The following STS variants were observed in gnomAD, a reference collection of about 807,000 sequenced individuals.
The protein encoded by STS is steryl-sulfatase.
In STS, 7 loss-of-function variants were observed where a neutral mutation model predicts 26.8. The ratio of observed to expected loss-of-function variants is 0.26; its 90% CI spans 0.15 to 0.49. The LOEUF (loss-of-function observed/expected upper bound fraction) is 0.49, where lower values mean the gene tolerates loss of function less well. Among genes scored for constraint, STS ranks in the 20% least tolerant of loss-of-function variants. The pLI, the probability that STS is intolerant of heterozygous loss-of-function variation, is 0.98. For synonymous variants in STS, 199 were observed against 189.4 expected, an observed-to-expected ratio of 1.05 and a Z score of -0.42; for missense variants, 434 against 465.6, an observed-to-expected ratio of 0.93 and a Z score of 0.63.
chrX:7,236,270 A>G (rs1227221677), intron 2 of STS, among the ~76,000 whole-genome samples: 1 of 111,892 alleles, frequency 8.9e-6, no homozygotes, highest in African/African-American at 3.3e-5. Flanking sequence ...GCATAGGTCA[A>G]ACTAACTTTG....
In STS at chrX:7,186,260, CAT is replaced by C. The variant is rs774570978; in HGVS notation, c.-133-4619_-133-4618del. Among the ~76,000 whole-genome samples, 482 of 112,302 alleles carry C rather than the reference CAT, an allele frequency of 4.3e-3. 2 individuals carry two copies. Among genetic ancestry groups the C allele is most frequent in the Non-Finnish European group, 6.6e-3 (352 of 53,223 alleles). On this transcript the variant is annotated intron_variant, in intron 1 of 10. Coordinates refer to ENST00000674429, the MANE Select transcript of STS (RefSeq NM_001320752.2). ...TTAAACATTCCATAACACATGTTAA[CAT>C]GTGTTGTAACATTTAACATCCATAT... is the stretch of plus-strand genomic sequence containing the variant.
intron 7 of STS, among the ~76,000 whole-genome samples, chrX:7,290,738 C>T (rs755286637): frequency 1.6e-4 from 18 of 112,153 alleles, no homozygotes; most frequent in Non-Finnish European, 2.1e-4. Context: ...CAACCTCTGG[C>T]GGTTAAATGT....
chrX:7,343,766 C>T (rs1210362721), intron 10 of STS, among the ~76,000 whole-genome samples: 1 of 112,074 alleles, frequency 8.9e-6, no homozygotes, highest in Non-Finnish European at 1.9e-5. Context: ...GCACCCCCCG[C>T]CCCTCCCGGG....
At chrX:7,293,358 A>C (rs1474387535) in intron 7 of STS, among the ~76,000 whole-genome samples, 1 of 112,045 alleles carries the variant, frequency 8.9e-6, no homozygotes, top group Non-Finnish European at 1.9e-5. Context: ...AACACTAGGG[A>C]CATAAAGATG....
At chrX:7,172,998 A>G (rs1176217802) in intron 1 of STS, among the ~76,000 whole-genome samples, 1 of 107,866 alleles carries the variant, frequency 9.3e-6, no homozygotes, top group Non-Finnish European at 1.9e-5. Flanking sequence ...ATAGGTAAAC[A>G]TGTGCCATGG....
intron 7 of STS, among the ~76,000 whole-genome samples, chrX:7,283,821 A>G (rs1320549238): frequency 2.7e-5 from 3 of 111,459 alleles, no homozygotes; most frequent in African/African-American, 9.8e-5. Context: ...TGGAGATTCA[A>G]ACAAGATTGC....
At chrX:7,236,265 G>A (rs1481801038) in intron 2 of STS, among the ~76,000 whole-genome samples, 2 of 111,727 alleles carry the variant, frequency 1.8e-5, no homozygotes, top group East Asian at 2.8e-4. Context: ...CCTGGGCATA[G>A]GTCAAACTAA....
chrX:7,343,655 A>T (rs1368466242), intron 10 of STS, among the ~76,000 whole-genome samples: 2 of 111,756 alleles, frequency 1.8e-5, no homozygotes, highest in Non-Finnish European at 3.8e-5. Context: ...ATTGATGCTC[A>T]GAGCTATGCC....
In STS at chrX:7,351,828, G is replaced by C. The variant is rs1287693030; in HGVS notation, c.*1567G>C. On this transcript the variant is annotated 3_prime_UTR_variant, in exon 11 of 11. Coordinates refer to ENST00000674429, the MANE Select transcript of STS (RefSeq NM_001320752.2). ...TCTCTATCCCTACCCACAACCCTGG[G>C]AAGTTGGAGCAAGAGGGGCATACTA... The C allele has an allele frequency of 4.6e-5, 5 of 109,705 alleles. No individual in the cohort carries two copies. The highest frequency in any genetic ancestry group is 1.7e-4 in the African/African-American group (5 of 30,027). The allele number at this position is 109,705 out of a possible 1,213,427, so 9.0% of individuals were successfully genotyped here. A position where few individuals can be genotyped will look rare whatever the true frequency, so the allele number is the denominator to read the frequency against.
intron 1 of STS, among the ~76,000 whole-genome samples, chrX:7,152,937 TCGTAATATC>T (rs1180164768): frequency 8.9e-6 from 1 of 112,468 alleles, no homozygotes; most frequent in African/African-American, 3.2e-5. Flanking sequence ...AGATCATGTT[TCGTAATATC>T]CGTAATGTTA....
At chrX:7,176,376 G>C (rs1345019448) in intron 1 of STS, among the ~76,000 whole-genome samples, 1 of 111,438 alleles carries the variant, frequency 9.0e-6, no homozygotes, top group Non-Finnish European at 1.9e-5. Context: ...TGAGATAGCC[G>C]GCATACTCCA....
chrX:7,186,847 A>AT (rs1933781815), intron 1 of STS, among the ~76,000 whole-genome samples: 1 of 111,479 alleles, frequency 9.0e-6, no homozygotes, highest in African/African-American at 3.3e-5. Flanking sequence ...TGCTCAGGAG[A>AT]TTTTTTGTGG....
At chrX:7,279,409 GTGTC>G (rs1156770976) in intron 7 of STS, among the ~76,000 whole-genome samples, 6 of 46,387 alleles carry the variant, frequency 1.3e-4, no homozygotes, top group African/African-American at 2.2e-4. Context: ...ATATGTGTGT[GTGTC>G]TGTGTGTGTG....
chrX:7,156,920 A>T (rs1037359796), intron 1 of STS, among the ~76,000 whole-genome samples: 1 of 111,733 alleles, frequency 8.9e-6, no homozygotes, highest in African/African-American at 3.3e-5. Context: ...TTACTTTAAT[A>T]GACAAGGAGG....
intron 1 of STS, among the ~76,000 whole-genome samples, chrX:7,149,440 A>G (rs1164429989): frequency 9.0e-6 from 1 of 111,506 alleles, no homozygotes; most frequent in Non-Finnish European, 1.9e-5. Context: ...AGTGCATAAT[A>G]TATAGTCAAT....
At chrX:7,329,832 GC>G (rs1376807784) in intron 9 of STS, among the ~76,000 whole-genome samples, 3 of 112,003 alleles carry the variant, frequency 2.7e-5, no homozygotes, top group Non-Finnish European at 5.6e-5. Context: ...GAGATCAGAA[GC>G]CCGTGGATCC....
chrX:7,349,370 CT>C (rs1366446271), intron 10 of STS, among the ~76,000 whole-genome samples: 1 of 69,310 alleles, frequency 1.4e-5, no homozygotes, highest in African/African-American at 5.9e-5. Context: ...GAGTCTCATT[CT>C]GTCGCCCAGG....
chrX:7,149,028 T>G (rs1370479453), intron 1 of STS, among the ~76,000 whole-genome samples: 2 of 111,441 alleles, frequency 1.8e-5, no homozygotes, highest in African/African-American at 3.3e-5. Context: ...ATGTGGTATA[T>G]TCACGTTTAA....
At chrX:7,173,872 G>A (rs1281824303) in intron 1 of STS, among the ~76,000 whole-genome samples, 1 of 112,292 alleles carries the variant, frequency 8.9e-6, no homozygotes, top group Admixed American at 9.5e-5. Context: ...AGGACAGATT[G>A]GTTGTTGAAG....
Sources: gnomAD v4.1 joint callset for allele counts (sites outside exome capture counted in the v4.1 genomes callset) on GRCh38, gnomAD v4.1.1 for gene constraint, MANE v1.5 for transcripts, NCBI Gene and HGNC (gene_info 2026-07-23, HGNC 2026-07-21) for gene names.